Variants in CASK observed in about 807,000 individuals in gnomAD.
CASK encodes the protein peripheral plasma membrane protein CASK.
CASK carries 4 observed loss-of-function variants against 82.9 expected under a neutral mutation model. The ratio of observed to expected loss-of-function variants is 0.05; its 90% confidence interval spans 0.02 to 0.11. CASK has a LOEUF of 0.11. CASK is among the 10% of genes least tolerant of loss of function. The pLI, the probability that CASK is intolerant of heterozygous loss-of-function variation, is 1.00. For missense variants in CASK, 358 were observed against 720.9 expected (o/e 0.50, Z 5.76); for synonymous variants, 259 against 253.5 (o/e 1.02, Z -0.20).
At chrX:41,635,304 T>C (rs1194121364) in intron 9 of CASK, among the ~76,000 whole-genome samples, 1 of 112,052 alleles carries the variant, frequency 8.9e-6, no homozygotes, top group East Asian at 2.8e-4. Flanking sequence ...CATATAAATG[T>C]TTTTATAAGT....
intron 12 of CASK, among the ~76,000 whole-genome samples, chrX:41,602,212 G>A (rs1344054233): frequency 1.8e-5 from 2 of 111,720 alleles, no homozygotes; most frequent in Admixed American, 9.6e-5. Flanking sequence ...GGAGAAAAGC[G>A]CCATCTTAAC....
At chrX:41,861,316 G>A (rs377483247) in intron 1 of CASK, among the ~76,000 whole-genome samples, 12 of 110,862 alleles carry the variant, frequency 1.1e-4, no homozygotes, top group Non-Finnish European at 2.3e-4. Flanking sequence ...GAGGGACATC[G>A]ATTCTAGGTC....
intron 8 of CASK, among the ~76,000 whole-genome samples, chrX:41,651,288 C>T (rs1039747587): frequency 1.8e-5 from 2 of 111,629 alleles, no homozygotes; most frequent in Non-Finnish European, 3.8e-5. Context: ...AAAAGATCCC[C>T]GTTATGGAGA....
At chrX:41,594,626 T>C (rs1220755522) in intron 12 of CASK, among the ~76,000 whole-genome samples, 1 of 111,866 alleles carries the variant, frequency 8.9e-6, no homozygotes, top group Non-Finnish European at 1.9e-5. Flanking sequence ...GCCATGCTTG[T>C]AGTGTATGTT....
intron 1 of CASK, among the ~76,000 whole-genome samples, chrX:41,871,529 T>A (rs776454507): frequency 3.4e-4 from 38 of 111,787 alleles, no homozygotes; most frequent in Admixed American, 1.9e-3. Flanking sequence ...AAGAAGACTG[T>A]ATATAATTCT....
intron 3 of CASK, among the ~76,000 whole-genome samples, chrX:41,782,739 C>A (rs1029775106): frequency 7.1e-5 from 8 of 111,923 alleles, no homozygotes; most frequent in African/African-American, 2.6e-4. Context: ...CCTTTTTTCT[C>A]TACTACACTG....
chrX:41,757,453 T>G (rs1034511874), intron 3 of CASK, among the ~76,000 whole-genome samples: 8 of 112,134 alleles, frequency 7.1e-5, no homozygotes, highest in Admixed American at 4.8e-4. Context: ...AATGAACTTA[T>G]GAGGCCCTAA....
intron 1 of CASK, among the ~76,000 whole-genome samples, chrX:41,884,774 C>T: frequency 9.0e-6 from 1 of 111,450 alleles, no homozygotes; most frequent in East Asian, 2.8e-4. Context: ...AATGGGATGA[C>T]TGGAGCCTCA....
intron 3 of CASK, among the ~76,000 whole-genome samples, chrX:41,776,421 TC>T (rs754963808): frequency 8.9e-6 from 1 of 112,758 alleles, no homozygotes; most frequent in East Asian, 2.8e-4. Context: ...AACTCTAAGA[TC>T]AGAAATAAGC....
At position 41,534,521 on chromosome X, in the gene CASK, C is replaced by T. The variant is rs776077005; in HGVS notation, c.2317+185G>A. On this transcript the variant is annotated intron_variant, in intron 24 of 26. Transcript: ENST00000378163. ...GGTATACAACAAAATATTTATAGCA[C>T]TTATTATAGGGAAAGAGGGGTTGGG... Among the ~76,000 whole-genome samples, 34 of 110,262 alleles carry T rather than the reference C, an allele frequency of 3.1e-4. 1 individual carries two copies. Among genetic ancestry groups the T allele is most frequent in the Middle Eastern group, 4.6e-3 (1 of 217 alleles).
intron 8 of CASK, among the ~76,000 whole-genome samples, chrX:41,657,440 T>G (rs1469685579): frequency 8.9e-6 from 1 of 112,797 alleles, no homozygotes; most frequent in Non-Finnish European, 1.9e-5. Flanking sequence ...ATTATGATGA[T>G]GGACTGAACT....
chrX:41,861,930 C>CA (rs1226529908), intron 1 of CASK, among the ~76,000 whole-genome samples: 10 of 98,794 alleles, frequency 1.0e-4, no homozygotes, highest in Non-Finnish European at 1.8e-4. Context: ...TGTATATATA[C>CA]TATATATACT....
intron 3 of CASK, among the ~76,000 whole-genome samples, chrX:41,746,312 T>C (rs2068687024): frequency 9.0e-6 from 1 of 111,529 alleles, no homozygotes; most frequent in South Asian, 3.8e-4. Context: ...TATCACTCCC[T>C]GAGTACACCA....
intron 14 of CASK, among the ~76,000 whole-genome samples, 163 bp from the exon 15 acceptor site, chrX:41,578,691 C>T (rs942472395): frequency 9.0e-6 from 1 of 111,304 alleles, no homozygotes; most frequent in Non-Finnish European, 1.9e-5. Context: ...TGGGCTCAAG[C>T]GATCCTTCCT....
chrX:41,836,623 A>C (rs1267974026), intron 2 of CASK, among the ~76,000 whole-genome samples: 1 of 111,835 alleles, frequency 8.9e-6, no homozygotes, highest in Admixed American at 9.5e-5. Context: ...TTAAATTTAT[A>C]AACTATAATT....
At chrX:41,655,317 C>G (rs1242853228) in intron 8 of CASK, among the ~76,000 whole-genome samples, 1 of 110,729 alleles carries the variant, frequency 9.0e-6, no homozygotes, top group African/African-American at 3.3e-5. Context: ...AGGATGTTTA[C>G]TGGGGCTTAT....
At chrX:41,656,642 T>C (rs2066945123) in intron 8 of CASK, among the ~76,000 whole-genome samples, 1 of 110,993 alleles carries the variant, frequency 9.0e-6, no homozygotes, top group Non-Finnish European at 1.9e-5. Flanking sequence ...TACTTGCCTT[T>C]ACCAGTGTGT....
intron 8 of CASK, among the ~76,000 whole-genome samples, chrX:41,637,633 A>T (rs1177457704): frequency 9.6e-6 from 1 of 103,868 alleles, no homozygotes; most frequent in Non-Finnish European, 2.0e-5. Context: ...AAATAAATGA[A>T]TCCCCCATTA....
chrX:41,626,915 G>A (rs957750662), intron 9 of CASK, among the ~76,000 whole-genome samples: 2 of 111,991 alleles, frequency 1.8e-5, no homozygotes, highest in African/African-American at 6.5e-5. Flanking sequence ...AATTGTAGAA[G>A]TATATGAAAC....
Sources: gnomAD v4.1 joint callset for allele counts (sites outside exome capture counted in the v4.1 genomes callset) on GRCh38, gnomAD v4.1.1 for gene constraint, MANE v1.5 for transcripts, NCBI Gene and HGNC (gene_info 2026-07-23, HGNC 2026-07-21) for gene names.